The following SIPA1L3 variants were observed in gnomAD, a reference collection of about 807,000 sequenced individuals.
SIPA1L3 encodes the protein signal-induced proliferation-associated 1-like protein 3.
SIPA1L3 carries 59 observed loss-of-function variants against 150.1 expected under a neutral mutation model. The ratio of observed to expected loss-of-function variants is 0.39; its 90% CI spans 0.32 to 0.49. The LOEUF is 0.49. SIPA1L3 is among the 20% of genes least tolerant of loss of function. The pLI is 0.86. For missense variants in SIPA1L3, 2,211 were observed against 2,489.5 expected (o/e 0.89, Z 2.38); for synonymous variants, 1,070 against 1,077.6 (o/e 0.99, Z 0.14).
intron 3 of SIPA1L3, among the ~76,000 whole-genome samples, chr19:38,084,057 A>T (rs1273657661): frequency 6.6e-6 from 1 of 151,980 alleles, no homozygotes; most frequent in Non-Finnish European, 1.5e-5. Context: ...TAAACAACAT[A>T]GAAGGGACTC....
intron 2 of SIPA1L3, among the ~76,000 whole-genome samples, chr19:38,070,756 C>T (rs1303251937): frequency 6.6e-6 from 1 of 152,180 alleles, no homozygotes; most frequent in Non-Finnish European, 1.5e-5. Context: ...AAACAAATGA[C>T]TTGTACGTGC....
chr19:38,192,641 A>G (rs1044222239), intron 17 of SIPA1L3, among the ~76,000 whole-genome samples: 3 of 152,138 alleles, frequency 2.0e-5, no homozygotes, highest in Non-Finnish European at 4.4e-5. Flanking sequence ...AACCACAGGG[A>G]CTGAGAGTGG....
chr19:38,105,166 G>C (rs574441159), intron 6 of SIPA1L3, among the ~76,000 whole-genome samples: 1 of 151,986 alleles, frequency 6.6e-6, no homozygotes, highest in African/African-American at 2.4e-5. Context: ...AACCAGCCTG[G>C]GCAATGTGGT....
chr19:37,929,178 CTCTGGGGCTGGG>C, intron 1 of SIPA1L3, among the ~76,000 whole-genome samples: 1 of 152,162 alleles, frequency 6.6e-6, no homozygotes, highest in Non-Finnish European at 1.5e-5. Context: ...AGGATTGACC[CTCTGGGGCTGGG>C]GCTGGGGCTG....
At chr19:37,990,294 G>A (rs1967470925) in intron 1 of SIPA1L3, among the ~76,000 whole-genome samples, 1 of 152,172 alleles carries the variant, frequency 6.6e-6, no homozygotes, top group Non-Finnish European at 1.5e-5. Context: ...CTGGCAAGGT[G>A]GTGGGTGTTC....
At chr19:37,938,415 A>G (rs974488584) in intron 1 of SIPA1L3, among the ~76,000 whole-genome samples, 48 of 152,178 alleles carry the variant, frequency 3.2e-4, no homozygotes, top group African/African-American at 1.1e-3. Context: ...ACATCCCACC[A>G]AGGATGAGTT....
At chr19:38,044,448 T>C (rs1046570147) in intron 2 of SIPA1L3, among the ~76,000 whole-genome samples, 2 of 150,172 alleles carry the variant, frequency 1.3e-5, no homozygotes, top group Admixed American at 6.6e-5. Context: ...GGGGAGGGAG[T>C]GCCAGTGAGG....
intron 1 of SIPA1L3, among the ~76,000 whole-genome samples, chr19:38,005,986 A>G (rs956914089): frequency 6.6e-5 from 10 of 152,248 alleles, no homozygotes; most frequent in African/African-American, 9.6e-5. Flanking sequence ...AGGTTGAGCT[A>G]TGATCCCACC....
At chr19:37,960,784 A>G (rs1480798264) in intron 1 of SIPA1L3, among the ~76,000 whole-genome samples, 1 of 151,226 alleles carries the variant, frequency 6.6e-6, no homozygotes, top group East Asian at 1.9e-4. Flanking sequence ...GAACTCCTGG[A>G]CCCTAGCAAT....
At position 38,101,320 on chromosome 19, in the gene SIPA1L3, CGTGGAGCAGTGGGAGCTCTCAGA is replaced by C. The variant is rs1568550379; in HGVS notation, c.2029+95_2029+117del. 7.8e-6 allele frequency: 7 copies of C among 903,124 alleles called. No individual in the cohort carries two copies. The African/African-American group carries it at 1.2e-4, about 16-fold the overall frequency. 55.9% of individuals were successfully genotyped at this position (903,124 alleles called of 1,614,324 possible). The stretch of plus-strand genomic sequence containing the variant: ...AGGCCTGGGGATGCCACGGTGGGGA[CGTGGAGCAGTGGGAGCTCTCAGA>C]CTTCACTTGTAGGAGCACAAATAAG... On this transcript the variant is annotated intron_variant, in intron 6 of 21. Transcript: ENST00000222345.
At chr19:38,167,231 CAAAA>C (rs370193698) in intron 15 of SIPA1L3, among the ~76,000 whole-genome samples, 2 of 87,500 alleles carry the variant, frequency 2.3e-5, no homozygotes, top group Non-Finnish European at 4.6e-5. Context: ...GATTCCATCT[CAAAA>C]AAAAAAAAAA....
At position 38,075,519 on chromosome 19, in the gene SIPA1L3, G is replaced by T. The variant is rs563435704; in HGVS notation, c.-310-5737G>T. On this transcript the variant is annotated intron_variant, in intron 2 of 21. Transcript: ENST00000222345. ...TGCAGGGGTGGGTGCGGTGGTTCAC[G>T]CCTGTAATCCCAGCACTTTGGGAGG... 4.6e-5 allele frequency among the ~76,000 whole-genome samples: 7 copies of T among 152,152 alleles called. No homozygotes were observed. The East Asian group carries it at 1.2e-3, about 25-fold the overall frequency.
chr19:38,095,235 G>T (rs952579260), intron 4 of SIPA1L3, among the ~76,000 whole-genome samples: 2 of 152,132 alleles, frequency 1.3e-5, no homozygotes, highest in Non-Finnish European at 2.9e-5. Context: ...CATTATGCAC[G>T]GATCTTTTTG....
chr19:37,949,699 G>T (rs2046744590), intron 1 of SIPA1L3, among the ~76,000 whole-genome samples: 1 of 151,680 alleles, frequency 6.6e-6, no homozygotes, highest in African/African-American at 2.4e-5. Context: ...ACTCTAGGAA[G>T]CCTGAAAGAC....
chr19:37,976,409 A>G (rs1321252536), intron 1 of SIPA1L3, among the ~76,000 whole-genome samples: 1 of 152,162 alleles, frequency 6.6e-6, no homozygotes, highest in Non-Finnish European at 1.5e-5. Context: ...AGCACTGGGA[A>G]GCAGTGCCGG....
At chr19:38,020,298 A>C (rs1021713970) in intron 1 of SIPA1L3, among the ~76,000 whole-genome samples, 14 of 150,508 alleles carry the variant, frequency 9.3e-5, no homozygotes, top group African/African-American at 3.4e-4. Context: ...ACTGTTAGTA[A>C]TTTTTTTTTT....
intron 1 of SIPA1L3, among the ~76,000 whole-genome samples, chr19:37,912,553 T>G (rs1042623830): frequency 2.6e-5 from 4 of 152,162 alleles, no homozygotes; most frequent in Non-Finnish European, 5.9e-5. Context: ...TGGAGTGCAG[T>G]GGCGTCATCA....
chr19:38,186,738 C>A (rs1972688236), intron 16 of SIPA1L3, among the ~76,000 whole-genome samples: 1 of 151,022 alleles, frequency 6.6e-6, no homozygotes, highest in South Asian at 2.1e-4. Context: ...TGCCTGTAAT[C>A]CCAGCACTTT....
In SIPA1L3 at chr19:38,206,270, T is replaced by G; in HGVS notation, c.*30T>G. ...GGAGGCCGCCGCCCGCCTTCGCTCC[T>G]TCCCCTCAGGCCGTGGCCCTGCTGC... On this transcript the variant is annotated 3_prime_UTR_variant, in exon 22 of 22. Coordinates refer to ENST00000222345, the MANE Select transcript of SIPA1L3 (RefSeq NM_015073.3). The G allele has an allele frequency of 6.6e-7, 1 of 1,518,562 alleles. No individual in the cohort carries two copies. The highest frequency in any genetic ancestry group is 1.3e-5 in the South Asian group (1 of 78,788). The allele number at this position is 1,518,562 out of a possible 1,614,324, so 94.1% of individuals were successfully genotyped here.
Sources: gnomAD v4.1 joint callset for allele counts (sites outside exome capture counted in the v4.1 genomes callset) on GRCh38, gnomAD v4.1.1 for gene constraint, MANE v1.5 for transcripts, NCBI Gene and HGNC (gene_info 2026-07-23, HGNC 2026-07-21) for gene names.